Variants in TENM3 observed in about 807,000 individuals in gnomAD.
TENM3 encodes the protein teneurin transmembrane protein 3.
TENM3 carries 63 observed loss-of-function variants against 255.1 expected under a neutral mutation model. The ratio of observed to expected loss-of-function variants is 0.25; its 90% CI spans 0.20 to 0.30. The LOEUF is 0.30. TENM3 is among the 10% of genes least tolerant of loss of function. The pLI is 1.00. For missense variants in TENM3, 2,929 were observed against 3,461.1 expected (o/e 0.85, Z 3.86); for synonymous variants, 1,306 against 1,322.3 (o/e 0.99, Z 0.27).
chr4:182,174,754 G>A (rs916939501), intron 1 of TENM3, among the ~76,000 whole-genome samples: 3 of 152,132 alleles, frequency 2.0e-5, no homozygotes, highest in Non-Finnish European at 4.4e-5. Context: ...CCAATTTAAT[G>A]AAAGATGCTT....
At chr4:181,691,235 T>TTG in the TENM3 span, among the ~76,000 whole-genome samples, 20,039 of 150,866 alleles carry the variant, frequency 0.13, 1,373 homozygotes, top group Middle Eastern at 0.22. Context: ...AAATATGATC[T>TTG]TGTGTGTGTG....
At chr4:181,731,725 A>G in the TENM3 span, among the ~76,000 whole-genome samples, 3 of 152,192 alleles carry the variant, frequency 2.0e-5, no homozygotes, top group African/African-American at 7.2e-5. Flanking sequence ...TTGTCCCCCA[A>G]AGGTGACTGA....
At chr4:181,879,582 A>T in the TENM3 span, among the ~76,000 whole-genome samples, 1 of 152,224 alleles carries the variant, frequency 6.6e-6, no homozygotes, top group African/African-American at 2.4e-5. Context: ...TTTAATATCT[A>T]CAGTAACATT....
At chr4:182,368,855 A>G (rs1340171800) in intron 3 of TENM3, among the ~76,000 whole-genome samples, 1 of 152,224 alleles carries the variant, frequency 6.6e-6, no homozygotes, top group Non-Finnish European at 1.5e-5. Flanking sequence ...CTTCAGAAGC[A>G]TCAGAGAGGA....
intron 1 of TENM3, among the ~76,000 whole-genome samples, chr4:182,267,642 A>G (rs1759326501): frequency 6.6e-6 from 1 of 151,850 alleles, no homozygotes; most frequent in African/African-American, 2.4e-5. Flanking sequence ...GTGCAAACCC[A>G]TGACTGGGCT....
intron 5 of TENM3, 77 bp from the exon 6 acceptor site, chr4:182,653,694 G>A: frequency 2.7e-6 from 4 of 1,462,004 alleles, no homozygotes; most frequent in Non-Finnish European, 3.7e-6. Flanking sequence ...TATGACTCTT[G>A]TTTTAAACAT....
chr4:181,592,527 A>T, the TENM3 span, among the ~76,000 whole-genome samples: 1 of 152,082 alleles, frequency 6.6e-6, no homozygotes, highest in South Asian at 2.1e-4. Flanking sequence ...AAACAAGCCC[A>T]TTCTCAGAAC....
At chr4:182,580,304 G>C (rs1481816142) in intron 3 of TENM3, among the ~76,000 whole-genome samples, 4 of 151,710 alleles carry the variant, frequency 2.6e-5, no homozygotes. Flanking sequence ...TATTCTAAAT[G>C]AAAGGGGAAT....
chr4:182,774,714 A>T (rs1764536199), intron 23 of TENM3, among the ~76,000 whole-genome samples: 1 of 152,220 alleles, frequency 6.6e-6, no homozygotes, highest in Non-Finnish European at 1.5e-5. Context: ...AATTCCCCTA[A>T]AGTTTGCCTT....
the TENM3 span, among the ~76,000 whole-genome samples, chr4:181,701,161 A>G: frequency 3.9e-5 from 6 of 152,296 alleles, no homozygotes; most frequent in African/African-American, 1.4e-4. Flanking sequence ...AAGGTAAGGC[A>G]GGTCAGACTT....
At chr4:182,330,945 G>A (rs1156973458) in intron 2 of TENM3, among the ~76,000 whole-genome samples, 1 of 152,228 alleles carries the variant, frequency 6.6e-6, no homozygotes, top group Non-Finnish European at 1.5e-5. Context: ...TGAAGAGGGA[G>A]AGTGGGGAAA....
the TENM3 span, among the ~76,000 whole-genome samples, chr4:181,612,252 A>AT: frequency 4.6e-5 from 7 of 152,202 alleles, no homozygotes; most frequent in African/African-American, 1.7e-4. Flanking sequence ...AGCATAGGTC[A>AT]TGGAACTAGT....
intron 3 of TENM3, among the ~76,000 whole-genome samples, chr4:182,494,122 G>A (rs534513339): frequency 1.6e-4 from 24 of 152,158 alleles, no homozygotes; most frequent in Middle Eastern, 3.4e-3. Context: ...AATGAAAAAA[G>A]AGTAAATACC....
intron 3 of TENM3, among the ~76,000 whole-genome samples, chr4:182,558,820 G>A (rs1008558796): frequency 6.6e-6 from 1 of 152,114 alleles, no homozygotes; most frequent in African/African-American, 2.4e-5. Context: ...AAGCTTTAAA[G>A]CCTAATGTTT....
the TENM3 span, among the ~76,000 whole-genome samples, chr4:181,563,709 T>G: frequency 6.6e-6 from 1 of 152,220 alleles, no homozygotes; most frequent in Non-Finnish European, 1.5e-5. Flanking sequence ...TTTTCCACTG[T>G]CATTTAATAA....
chr4:181,919,438 G>A, the TENM3 span, among the ~76,000 whole-genome samples: 1 of 150,056 alleles, frequency 6.7e-6, no homozygotes, highest in Non-Finnish European at 1.5e-5. Flanking sequence ...GAAAAAGATT[G>A]GAGGTTTTCG....
the TENM3 span, among the ~76,000 whole-genome samples, chr4:182,119,366 T>C: frequency 1 from 152,077 of 152,336 alleles, 75,909 homozygotes; most frequent in Middle Eastern, 1. Flanking sequence ...TGAAGGCCCC[T>C]CGACTGAGTC....
chr4:182,317,053 C>G, intron 1 of TENM3, among the ~76,000 whole-genome samples: 1 of 152,172 alleles, frequency 6.6e-6, no homozygotes, highest in Middle Eastern at 3.4e-3. Context: ...TATGTTTTAG[C>G]TATCAGGGTA....
At chr4:182,136,857 C>T in the TENM3 span, among the ~76,000 whole-genome samples, 5 of 152,258 alleles carry the variant, frequency 3.3e-5, no homozygotes, top group South Asian at 1.0e-3. Context: ...AGTCTTGACG[C>T]CTAAGATTTC....
Sources: gnomAD v4.1 joint callset for allele counts (sites outside exome capture counted in the v4.1 genomes callset) on GRCh38, gnomAD v4.1.1 for gene constraint, MANE v1.5 for transcripts, NCBI Gene and HGNC (gene_info 2026-07-23, HGNC 2026-07-21) for gene names.